Variants in NPSR1 observed in about 807,000 individuals in gnomAD.
NPSR1 encodes neuropeptide S receptor.
Under a neutral mutation model 46.9 loss-of-function variants are expected in NPSR1, and 48 were observed. The ratio of observed to expected loss-of-function variants is 1.02; its 90% CI spans 0.81 to 1.30. The LOEUF is 1.30. Ranked by LOEUF, NPSR1 falls within the 50% of genes most tolerant of loss-of-function variation. The pLI, the probability that NPSR1 is intolerant of heterozygous loss-of-function variation, is 0.00. For missense variants in NPSR1, 450 were observed against 449.5 expected (o/e 1.00, Z -0.01); for synonymous variants, 176 against 168.1 (o/e 1.05, Z -0.36).
chr7:34,707,720 A>G (rs1271460596), intron 2 of NPSR1, among the ~76,000 whole-genome samples: 1 of 152,226 alleles, frequency 6.6e-6, no homozygotes, highest in Non-Finnish European at 1.5e-5. Flanking sequence ...TGCCTCAGCA[A>G]TGCAGCAGTG....
At chr7:34,706,720 G>A (rs997168276) in intron 2 of NPSR1, among the ~76,000 whole-genome samples, 3 of 151,718 alleles carry the variant, frequency 2.0e-5, no homozygotes, top group Admixed American at 6.6e-5. Flanking sequence ...CAAAATATGC[G>A]CTAAAATTTC....
intron 2 of NPSR1, among the ~76,000 whole-genome samples, chr7:34,766,313 T>A (rs184823039): frequency 1.4e-3 from 207 of 152,252 alleles, no homozygotes; most frequent in African/African-American, 4.9e-3. Flanking sequence ...GTTAAACATA[T>A]ATTTACTTAC....
At chr7:34,850,601 C>T (rs1393058324), downstream of NPSR1, among the ~76,000 whole-genome samples, 2 of 152,056 alleles carry the variant, frequency 1.3e-5, no homozygotes, top group African/African-American at 2.4e-5. Flanking sequence ...GGAGTTTCAC[C>T]GTGTTAGCCA....
intron 6 of NPSR1, among the ~76,000 whole-genome samples, chr7:34,844,337 G>A (rs1790674025): frequency 6.6e-6 from 1 of 152,038 alleles, no homozygotes; most frequent in African/African-American, 2.4e-5. Flanking sequence ...TTACCCCTCA[G>A]TGTTCACCAT....
At position 34,685,756 on chromosome 7, in the gene NPSR1, C is replaced by T. The variant is rs529920239; in HGVS notation, c.280+1072C>T. On this transcript the variant is annotated intron_variant, in intron 2 of 8. Transcript: ENST00000360581. ...CCTTTTTCTTTCTAACAAAGTATAACAAGCCCACCTGCTTGAGCTGGGCTG... is the reference window on the plus strand; with the variant it reads ...CCTTTTTCTTTCTAACAAAGTATAATAAGCCCACCTGCTTGAGCTGGGCTG... The T allele has an allele frequency of 5.3e-3, 2,071 of 393,512 alleles. 15 individuals carry two copies. The highest frequency in any genetic ancestry group is 8.1e-3 in the Non-Finnish European group (1,647 of 202,130). The allele number at this position is 393,512 out of a possible 1,614,324, so 24.4% of individuals were successfully genotyped here. A position where few individuals can be genotyped will look rare whatever the true frequency, so the allele number is the denominator to read the frequency against.
intron 6 of NPSR1, among the ~76,000 whole-genome samples, chr7:34,843,256 G>C (rs1354444634): frequency 7.9e-5 from 12 of 152,192 alleles, no homozygotes; most frequent in Non-Finnish European, 1.0e-4. Context: ...TCTAGAGGCT[G>C]GGAAATCCAA....
intron 5 of NPSR1, 35 bp downstream of exon 5, chr7:34,827,637 G>GA: frequency 8.4e-7 from 1 of 1,188,990 alleles, no homozygotes; most frequent in South Asian, 1.2e-5. Flanking sequence ...ACACGGGGGG[G>GA]TGGGGCGGGG....
At position 34,791,145 on chromosome 7, in the gene NPSR1, AATATGTTATATATTAT is replaced by A. The variant is rs1387974210; in HGVS notation, c.384+12599_384+12614del. 2.2e-3 allele frequency among the ~76,000 whole-genome samples: 163 copies of A among 73,930 alleles called. 3 individuals are homozygous for A. The highest frequency in any genetic ancestry group is 9.1e-3 in the African/African-American group (160 of 17,592). The allele number at this position is 73,930 out of a possible 152,430, so 48.5% of individuals were successfully genotyped here. ...AATATATATGTTATATATTATATAT[AATATGTTATATATTAT>A]ATATGTTATATATTATATTATATAT... On this transcript the variant is annotated intron_variant, in intron 3 of 8. Coordinates refer to ENST00000360581, the MANE Select transcript of NPSR1 (RefSeq NM_207172.2).
intron 1 of NPSR1, among the ~76,000 whole-genome samples, chr7:34,678,372 C>G (rs752397028): frequency 6.6e-6 from 1 of 151,860 alleles, no homozygotes; most frequent in Non-Finnish European, 1.5e-5. Context: ...CAAGCACGCA[C>G]CACCACGACC....
chr7:34,792,407 CCT>C (rs1189725660), intron 3 of NPSR1, among the ~76,000 whole-genome samples: 2 of 145,390 alleles, frequency 1.4e-5, no homozygotes, highest in Non-Finnish European at 3.0e-5. Flanking sequence ...CGCATATAGT[CCT>C]AGTACTTTGG....
chr7:34,838,648 C>T (rs542543210), intron 6 of NPSR1, among the ~76,000 whole-genome samples: 5 of 152,252 alleles, frequency 3.3e-5, no homozygotes, highest in South Asian at 4.2e-4. Flanking sequence ...ATCCTTAGTG[C>T]GAGAACCACT....
At chr7:34,679,470 A>T (rs1034375337) in intron 1 of NPSR1, among the ~76,000 whole-genome samples, 1 of 149,396 alleles carries the variant, frequency 6.7e-6, no homozygotes, top group African/African-American at 2.4e-5. Context: ...GAGTTATGAA[A>T]GAAAAGAACA....
chr7:34,783,760 C>A (rs191117632), intron 3 of NPSR1, among the ~76,000 whole-genome samples: 11 of 151,734 alleles, frequency 7.2e-5, no homozygotes, highest in African/African-American at 2.4e-4. Context: ...CTGATAACAG[C>A]AAGAGAGAAG....
rs557764851 is a variant in NPSR1, at chr7:34,815,171, T to C, written c.478+3308T>C. On this transcript the variant is annotated intron_variant, in intron 4 of 8. Coordinates refer to ENST00000360581, the MANE Select transcript of NPSR1 (RefSeq NM_207172.2). ...CCCATTGCAAGGAAGCTAAAAACCTTGAAAAATGGTTAGACGAATGGCTAA... is the reference window on the plus strand; with the variant it reads ...CCCATTGCAAGGAAGCTAAAAACCTCGAAAAATGGTTAGACGAATGGCTAA... Among the ~76,000 whole-genome samples, 458 of 152,112 alleles carry C rather than the reference T, an allele frequency of 3.0e-3. 1 individual carries two copies. Among genetic ancestry groups the C allele is most frequent in the Non-Finnish European group, 5.4e-3 (368 of 67,982 alleles).
chr7:34,845,596 CT>C (rs1426947762), intron 7 of NPSR1: 1 of 455,834 alleles, frequency 2.2e-6, no homozygotes, highest in African/African-American at 2.0e-5. Context: ...CTTGATAAGT[CT>C]TTTTAAATAT....
chr7:34,725,474 C>A (rs1436769774), intron 2 of NPSR1, among the ~76,000 whole-genome samples: 28 of 152,170 alleles, frequency 1.8e-4, no homozygotes, highest in Admixed American at 1.8e-3. Context: ...ACTAGGTAAT[C>A]TACCCAGGCT....
At chr7:34,664,378 G>A (rs1168189638) in intron 1 of NPSR1, among the ~76,000 whole-genome samples, 1 of 152,166 alleles carries the variant, frequency 6.6e-6, no homozygotes, top group Non-Finnish European at 1.5e-5. Context: ...TAGCCTTAAA[G>A]AACAGCAAGC....
chr7:34,772,313 T>C (rs1305294024), intron 2 of NPSR1, among the ~76,000 whole-genome samples: 1 of 152,202 alleles, frequency 6.6e-6, no homozygotes, highest in Non-Finnish European at 1.5e-5. Context: ...CTATTGGAAA[T>C]GAAATTATGA....
At chr7:34,836,005 C>T (rs973824602) in intron 6 of NPSR1, among the ~76,000 whole-genome samples, 1 of 152,174 alleles carries the variant, frequency 6.6e-6, no homozygotes, top group Non-Finnish European at 1.5e-5. Context: ...GACACAGAGT[C>T]ATAGGTGGCT....
Sources: allele counts gnomAD v4.1 joint callset (sites outside exome capture counted in the v4.1 genomes callset), GRCh38; gene constraint gnomAD v4.1.1; transcripts MANE v1.5; gene names NCBI Gene and HGNC (gene_info 2026-07-23, HGNC 2026-07-21).